Variants in PHKA2 observed in about 807,000 individuals in gnomAD.
PHKA2 encodes the protein phosphorylase kinase regulatory subunit alpha 2.
PHKA2 carries 31 observed loss-of-function variants against 102.0 expected under a neutral mutation model. The ratio of observed to expected loss-of-function variants is 0.30; its 90% CI spans 0.23 to 0.41. PHKA2 has a LOEUF of 0.41. PHKA2 is among the 10% of genes least tolerant of loss of function. The pLI is 1.00. For synonymous variants in PHKA2, 455 were observed against 416.2 expected, an observed-to-expected ratio of 1.09 and a Z score of -1.13; for missense variants, 858 against 1,023.1, an observed-to-expected ratio of 0.84 and a Z score of 2.20.
chrX:18,933,913 CAGAAAGAA>C, intron 11 of PHKA2, among the ~76,000 whole-genome samples: 1 of 112,250 alleles, frequency 8.9e-6, no homozygotes, highest in South Asian at 3.7e-4. Context: ...CACTGTTCAT[CAGAAAGAA>C]AGAAAAGCGT....
intron 17 of PHKA2, among the ~76,000 whole-genome samples, chrX:18,922,667 T>C (rs770002503): frequency 2.8e-5 from 3 of 106,103 alleles, no homozygotes; most frequent in Non-Finnish European, 5.8e-5. Context: ...GTCAAACTCA[T>C]GGAGGCAGAA....
chrX:18,900,320 T>C (rs925588073), intron 28 of PHKA2, among the ~76,000 whole-genome samples: 1 of 111,449 alleles, frequency 9.0e-6, no homozygotes, highest in African/African-American at 3.3e-5. Flanking sequence ...AGGACAGGAA[T>C]AGCAGCATTC....
intron 1 of PHKA2, among the ~76,000 whole-genome samples, chrX:18,958,476 T>C (rs913360101): frequency 3.6e-5 from 4 of 111,964 alleles, no homozygotes; most frequent in Non-Finnish European, 3.8e-5. Flanking sequence ...TATATGTGTA[T>C]ACACTTTAAA....
intron 24 of PHKA2, 34 bp from the exon 25 acceptor site, chrX:18,906,658 A>T (rs1434274451): frequency 1.7e-6 from 2 of 1,189,361 alleles, no homozygotes; most frequent in Admixed American, 4.4e-5. Context: ...AGGGTTTCAG[A>T]GACAGGGTGA....
At chrX:18,893,995 C>A (rs1488747386) in intron 32 of PHKA2, 1 of 472,321 alleles carries the variant, frequency 2.1e-6, no homozygotes, top group South Asian at 3.0e-5. Context: ...TGGACGAAAA[C>A]CTGCATTGAG....
chrX:18,957,349 G>A (rs1418341850), intron 1 of PHKA2, among the ~76,000 whole-genome samples: 1 of 111,804 alleles, frequency 8.9e-6, no homozygotes, highest in Non-Finnish European at 1.9e-5. Flanking sequence ...TTGGAGCTCT[G>A]GAGTCTTTAC....
intron 1 of PHKA2, among the ~76,000 whole-genome samples, chrX:18,971,384 TATG>T (rs551831264): frequency 4.1e-4 from 46 of 112,556 alleles, no homozygotes; most frequent in Middle Eastern, 4.7e-3. Flanking sequence ...CATTGTAGAA[TATG>T]ATACTATTAT....
rs969441756 is a variant in PHKA2, at chrX:18,894,252, G to A, written c.3489C>T (p.His1163=). 4 of 1,210,392 alleles carry A rather than the reference G, an allele frequency of 3.3e-6. No individual in the cohort carries two copies. Among genetic ancestry groups the A allele is most frequent in the African/African-American group, 3.5e-5 (2 of 57,390 alleles). ...TGGCCATCTGCACGATCTGGTCCAC[G>A]TGGATGATGCCCCCGATGCTGGTCA... ...TEMTSIGGII[H]VDQIVQMASQ... The change falls in exon 32 of 33, where the codon CAC becomes CAT. Residue 1163 remains histidine, a synonymous_variant. Transcript: ENST00000379942.
At chrX:18,942,539 C>A (rs911813529) in intron 7 of PHKA2, among the ~76,000 whole-genome samples, 2 of 111,465 alleles carry the variant, frequency 1.8e-5, no homozygotes, top group African/African-American at 6.5e-5. Context: ...CTGGATTACA[C>A]ATCTATTAAG....
At position 18,935,905 on chromosome X, in the gene PHKA2, C is replaced by T. The variant is rs2048385734; in HGVS notation, c.1137+150G>A. 5 of 495,852 alleles carry T rather than the reference C, an allele frequency of 1.0e-5. No homozygotes were observed. In the East Asian group the frequency reaches 1.1e-4, roughly 11 times the overall value. 40.9% of individuals were successfully genotyped at this position (495,852 alleles called of 1,213,427 possible). ...TGCTGGGATTACAGGCGTGAGCCAC[C>T]GCGCCCAGCCTACCTAAGGCTTTTG... On this transcript the variant is annotated intron_variant, in intron 11 of 32. Coordinates refer to ENST00000379942, the MANE Select transcript of PHKA2 (RefSeq NM_000292.3).
At chrX:18,908,626 C>G (rs2047867595) in intron 21 of PHKA2, among the ~76,000 whole-genome samples, 175 bp downstream of exon 21, 1 of 111,767 alleles carries the variant, frequency 8.9e-6, no homozygotes, top group Non-Finnish European at 1.9e-5. Flanking sequence ...TCCACCATGT[C>G]AGGATGCAAT....
chrX:18,952,329 CAAAAAA>C (rs1198542984), intron 3 of PHKA2, among the ~76,000 whole-genome samples, 159 bp downstream of exon 3: 6 of 35,336 alleles, frequency 1.7e-4, no homozygotes, highest in Admixed American at 3.8e-4. Context: ...GACCCTGTCT[CAAAAAA>C]AAAAAAAAAA....
At position 18,893,212 on chromosome X, in the gene PHKA2, G is replaced by A. The variant is rs372416461; in HGVS notation, c.*273C>T. The A allele has an allele frequency of 1.7e-4, 69 of 400,218 alleles. 1 individual carries two copies. Among genetic ancestry groups the A allele is most frequent in the African/African-American group, 1.6e-3 (64 of 39,710 alleles). 33.0% of individuals were successfully genotyped at this position (400,218 alleles called of 1,213,427 possible). ...TTTCCAATTCCTCCTCAGAGTCCGT[G>A]AGACCAGATGCTACAGCAAATGTTC... On this transcript the variant is annotated 3_prime_UTR_variant, in exon 33 of 33. Transcript: ENST00000379942.
chrX:18,960,870 T>C (rs2048857007), intron 1 of PHKA2, among the ~76,000 whole-genome samples: 1 of 112,279 alleles, frequency 8.9e-6, no homozygotes, highest in Non-Finnish European at 1.9e-5. Context: ...AACACATAGA[T>C]GGACAGAACA....
chrX:18,924,493 G>A lies in PHKA2; in HGVS notation c.1602C>T (p.Leu534=), dbSNP rs1179489075. 3 of 1,208,896 alleles carry A rather than the reference G, an allele frequency of 2.5e-6. No homozygotes were observed. Among genetic ancestry groups the A allele is most frequent in the African/African-American group, 1.8e-5 (1 of 57,046 alleles). ...GCATCTCCACGATCATCTCATTGTC[G>A]AGGGCCAGGTAGAAGTGATGCTGGT... ...FTDQHHFYLA[L]DNEMIVEMLR... is the part of the protein sequence containing the mutation. The change falls in exon 16 of 33, where the codon CTC becomes CTT. Residue 534 remains leucine, a synonymous_variant. Transcript: ENST00000379942.
chrX:18,954,287 A>G lies in PHKA2; in HGVS notation c.204T>C (p.Asp68=). 4.1e-6 allele frequency: 5 copies of G among 1,211,786 alleles called. No homozygotes were observed. The highest frequency in any genetic ancestry group is 5.6e-6 in the Non-Finnish European group (5 of 895,433). Reference sequence around the variant, plus strand: ...GCTCGTAGGCCTTGGCCTTGTCCTCATCGCGGTCTGCATTCTTACGGTAGG... The same window carrying G: ...GCTCGTAGGCCTTGGCCTTGTCCTCGTCGCGGTCTGCATTCTTACGGTAGG... ...GMAYRKNADR[D]EDKAKAYELE... is the part of the protein sequence containing the mutation. The change falls in exon 2 of 33, where the codon GAT becomes GAC. Residue 68 remains aspartate (D), a synonymous_variant. Transcript: ENST00000379942.
chrX:18,975,396 G>A (rs753099456), intron 1 of PHKA2, among the ~76,000 whole-genome samples: 9 of 111,775 alleles, frequency 8.1e-5, no homozygotes, highest in African/African-American at 2.9e-4. Flanking sequence ...CTTGTCTTCC[G>A]TCATGACTGT....
intron 30 of PHKA2, chrX:18,895,922 A>G (rs904988011): frequency 1.8e-5 from 2 of 112,363 alleles, no homozygotes; most frequent in African/African-American, 6.5e-5. Context: ...AGCAAGCACC[A>G]TGAGCCCCTG....
At chrX:18,894,487 C>T (rs1233667602) in intron 31 of PHKA2, 83 bp from the exon 32 acceptor site, 19 of 852,778 alleles carry the variant, frequency 2.2e-5, no homozygotes, top group African/African-American at 1.2e-4. Context: ...CAAGGGTGAC[C>T]GTAGCAGTGC....
Sources: gnomAD v4.1 joint callset for allele counts (sites outside exome capture counted in the v4.1 genomes callset) on GRCh38, gnomAD v4.1.1 for gene constraint, MANE v1.5 for transcripts, NCBI Gene and HGNC (gene_info 2026-07-23, HGNC 2026-07-21) for gene names.